SLIT3: variants seen among roughly 807,000 people sequenced by gnomAD.
SLIT3 encodes slit homolog 3 protein.
SLIT3 carries 68 observed loss-of-function variants against 184.0 expected under a neutral mutation model. That is an observed-to-expected ratio of 0.37 (90% CI 0.30 to 0.45). The LOEUF (loss-of-function observed/expected upper bound fraction) is 0.45, where lower values mean the gene tolerates loss of function less well. Ranked by LOEUF, SLIT3 falls within the 20% of genes least tolerant of loss-of-function variation. SLIT3 has a pLI of 1.00. For synonymous variants in SLIT3, 831 were observed against 828.6 expected (o/e 1.00, Z -0.05); for missense variants, 1,707 against 2,026.0 (o/e 0.84, Z 3.02).
At chr5:169,064,461 A>T (rs149900841) in intron 4 of SLIT3, among the ~76,000 whole-genome samples, 1 of 152,322 alleles carries the variant, frequency 6.6e-6, no homozygotes, top group East Asian at 1.9e-4. Flanking sequence ...AAGACCCAGC[A>T]TGAGTATTGT....
At chr5:169,044,125 G>C (rs1282679369) in intron 4 of SLIT3, among the ~76,000 whole-genome samples, 1 of 152,162 alleles carries the variant, frequency 6.6e-6, no homozygotes, top group Non-Finnish European at 1.5e-5. Context: ...TGCTAAAAAT[G>C]AAAAGGACAA....
rs1223850961 is a variant in SLIT3 at position 168,665,705 on chromosome 5, G to T, written c.*749C>A. On this transcript the variant is annotated 3_prime_UTR_variant, in exon 36 of 36. Transcript: ENST00000519560. ...GGAAGGAGAAGAGGGGTCCCCCAGT[G>T]GGTTCAGATACGGAAGCCAGGGCCA... The T allele has an allele frequency of 2.0e-5, 3 of 149,816 alleles. No individual in the cohort carries two copies. Among genetic ancestry groups the T allele is most frequent in the African/African-American group, 7.7e-5 (3 of 39,140 alleles). 9.3% of individuals were successfully genotyped at this position (149,816 alleles called of 1,614,324 possible). A position where few individuals can be genotyped will look rare whatever the true frequency, so the allele number is the denominator to read the frequency against.
chr5:169,223,362 T>A (rs1163257309), intron 3 of SLIT3, among the ~76,000 whole-genome samples: 1 of 152,354 alleles, frequency 6.6e-6, no homozygotes, highest in East Asian at 1.9e-4. Context: ...CCTTTCCTTT[T>A]GCTGGCTGGT....
intron 4 of SLIT3, among the ~76,000 whole-genome samples, chr5:168,903,236 A>T (rs1760929405): frequency 6.6e-6 from 1 of 152,188 alleles, no homozygotes; most frequent in Non-Finnish European, 1.5e-5. Context: ...CTCTGCAGTG[A>T]GGGATAAGCC....
intron 4 of SLIT3, among the ~76,000 whole-genome samples, chr5:169,121,001 A>G (rs977450633): frequency 6.6e-6 from 1 of 152,172 alleles, no homozygotes; most frequent in Admixed American, 6.5e-5. Flanking sequence ...TACATGGAAC[A>G]TACTATATTT....
chr5:169,029,964 C>A (rs983059118), intron 4 of SLIT3, among the ~76,000 whole-genome samples: 2 of 152,198 alleles, frequency 1.3e-5, no homozygotes, highest in Admixed American at 1.3e-4. Context: ...TTCTCCCCAC[C>A]TGAATGCTGT....
At chr5:169,002,769 TA>T (rs1755764621) in intron 4 of SLIT3, among the ~76,000 whole-genome samples, 1 of 152,170 alleles carries the variant, frequency 6.6e-6, no homozygotes, top group African/African-American at 2.4e-5. Flanking sequence ...CACTATTAGC[TA>T]ATTTTGCCAT....
At chr5:169,094,120 C>T (rs1759688961) in intron 4 of SLIT3, among the ~76,000 whole-genome samples, 1 of 152,146 alleles carries the variant, frequency 6.6e-6, no homozygotes, top group South Asian at 2.1e-4. Flanking sequence ...GATCACACAG[C>T]TAATAAATGT....
intron 4 of SLIT3, among the ~76,000 whole-genome samples, chr5:168,910,898 A>G (rs1361766941): frequency 2.6e-5 from 4 of 152,212 alleles, no homozygotes; most frequent in African/African-American, 7.2e-5. Context: ...CAGAAGGGCA[A>G]CTAGAGCCCC....
At chr5:168,991,922 T>C (rs1755345439) in intron 4 of SLIT3, among the ~76,000 whole-genome samples, 1 of 152,256 alleles carries the variant, frequency 6.6e-6, no homozygotes, top group Non-Finnish European at 1.5e-5. Context: ...CGGCAGACCC[T>C]TTCAGGGCCG....
chr5:169,057,831 G>T (rs1272348246), intron 4 of SLIT3, among the ~76,000 whole-genome samples: 7 of 152,206 alleles, frequency 4.6e-5, no homozygotes, highest in Non-Finnish European at 1.0e-4. Flanking sequence ...TTAAGAAAAT[G>T]AGGAGTGCCC....
intron 4 of SLIT3, among the ~76,000 whole-genome samples, chr5:169,181,740 CAA>C (rs11452806): frequency 1.4e-4 from 20 of 141,522 alleles, no homozygotes; most frequent in East Asian, 6.2e-4. Flanking sequence ...GACTTCATCT[CAA>C]AAAAAAAAAA....
chr5:168,673,102 G>A (rs1761303312), intron 33 of SLIT3, 75 bp downstream of exon 33: 1 of 1,449,650 alleles, frequency 6.9e-7, no homozygotes, highest in South Asian at 1.2e-5. Flanking sequence ...ATTGGCTTTG[G>A]CAGTGGCCTG....
At chr5:168,685,646 A>G in intron 31 of SLIT3, 41 bp downstream of exon 31, 1 of 1,506,512 alleles carries the variant, frequency 6.6e-7, no homozygotes, top group Non-Finnish European at 8.9e-7. Context: ...GCTTGTGGGC[A>G]TGTTGAGGTC....
intron 18 of SLIT3, among the ~76,000 whole-genome samples, chr5:168,751,433 G>C (rs985063727): frequency 2.6e-5 from 4 of 152,224 alleles, no homozygotes; most frequent in African/African-American, 9.7e-5. Context: ...GGCCCTTGCT[G>C]TGTGTTTTAC....
chr5:169,199,702 G>T (rs1763854014), intron 3 of SLIT3, among the ~76,000 whole-genome samples: 1 of 152,158 alleles, frequency 6.6e-6, no homozygotes, highest in South Asian at 2.1e-4. Context: ...CTTGACCAAC[G>T]TGATAGTTGG....
intron 1 of SLIT3, among the ~76,000 whole-genome samples, chr5:169,279,931 T>C (rs1766939316): frequency 6.6e-6 from 1 of 152,258 alleles, no homozygotes. Context: ...TGTCACTTAT[T>C]AGCAGTCACC....
chr5:168,901,061 G>A (rs1760850599), intron 4 of SLIT3, among the ~76,000 whole-genome samples: 1 of 152,134 alleles, frequency 6.6e-6, no homozygotes. Context: ...CCTGTGATGT[G>A]TGCATGTAAC....
rs537572046 is a variant in SLIT3 at position 168,683,873 on chromosome 5, G to C, written c.3686+93C>G. On this transcript the variant is annotated intron_variant, in intron 32 of 35. Coordinates refer to ENST00000519560, the MANE Select transcript of SLIT3 (RefSeq NM_003062.4). ...GTAGGGGCGGGGAGAAGGGACACCC[G>C]AGTTCTCCTGAATCCCCCTTCTGAG... The C allele has an allele frequency of 2.5e-6, 3 of 1,224,040 alleles. No individual in the cohort carries two copies. The East Asian group carries it at 8.4e-5, about 34-fold the overall frequency. The allele number at this position is 1,224,040 out of a possible 1,614,324, so 75.8% of individuals were successfully genotyped here.
Sources: allele counts gnomAD v4.1 joint callset (sites outside exome capture counted in the v4.1 genomes callset), GRCh38; gene constraint gnomAD v4.1.1; transcripts MANE v1.5; gene names NCBI Gene and HGNC (gene_info 2026-07-23, HGNC 2026-07-21).